The following TMIGD3 variants were observed in gnomAD, a reference collection of about 807,000 sequenced individuals.
TMIGD3 encodes AD026 protein (AD026).
A neutral mutation model predicts 28.1 loss-of-function variants in TMIGD3; 21 were observed. The ratio of observed to expected loss-of-function variants is 0.75; its 90% CI spans 0.53 to 1.08. The LOEUF (loss-of-function observed/expected upper bound fraction) is 1.08, where lower values mean the gene tolerates loss of function less well. Among genes scored for constraint, TMIGD3 ranks in the 50% least tolerant of loss-of-function variants. The probability of loss-of-function intolerance (pLI) is 0.00; values close to 1 mark genes in which losing one functional copy is unlikely to be tolerated. For synonymous variants in TMIGD3, 151 were observed against 162.1 expected, an observed-to-expected ratio of 0.93 and a Z score of 0.52; for missense variants, 416 against 435.6, an observed-to-expected ratio of 0.96 and a Z score of 0.40.
intron 1 of TMIGD3, among the ~76,000 whole-genome samples, chr1:111,540,348 T>C (rs943091094): frequency 6.6e-6 from 1 of 152,236 alleles, no homozygotes; most frequent in Non-Finnish European, 1.5e-5. Flanking sequence ...TGCTGCTTCA[T>C]CTCCTTGGCA....
intron 1 of TMIGD3, among the ~76,000 whole-genome samples, chr1:111,498,987 A>T (rs1318888155): frequency 6.6e-6 from 1 of 151,720 alleles, no homozygotes; most frequent in Non-Finnish European, 1.5e-5. Context: ...GTCACTTGGG[A>T]GGCTGAGGTG....
intron 1 of TMIGD3, among the ~76,000 whole-genome samples, chr1:111,554,155 T>C (rs1214438456): frequency 6.6e-6 from 1 of 152,228 alleles, no homozygotes; most frequent in African/African-American, 2.4e-5. Context: ...ATCTTTAAAA[T>C]AGAAATAATT....
intron 1 of TMIGD3, among the ~76,000 whole-genome samples, chr1:111,555,156 A>G (rs1657431060): frequency 6.6e-6 from 1 of 152,044 alleles, no homozygotes; most frequent in Non-Finnish European, 1.5e-5. Flanking sequence ...AGTTGAGGCC[A>G]GGAGTTCGAG....
At chr1:111,556,863 C>A (rs1320158338) in intron 1 of TMIGD3, among the ~76,000 whole-genome samples, 1 of 151,796 alleles carries the variant, frequency 6.6e-6, no homozygotes, top group East Asian at 1.9e-4. Context: ...TGTCACTGAA[C>A]TGTACACTTA....
intron 1 of TMIGD3, among the ~76,000 whole-genome samples, chr1:111,534,773 G>A (rs1313167251): frequency 6.6e-6 from 1 of 152,076 alleles, no homozygotes; most frequent in African/African-American, 2.4e-5. Context: ...GTGCATGTAT[G>A]AGAATGTGCA....
chr1:111,561,076 T>C (rs1202797369), intron 1 of TMIGD3, among the ~76,000 whole-genome samples: 2 of 152,148 alleles, frequency 1.3e-5, no homozygotes, highest in Non-Finnish European at 2.9e-5. Flanking sequence ...AAGAAAATAA[T>C]AGGACTTTCC....
intron 1 of TMIGD3, among the ~76,000 whole-genome samples, chr1:111,527,907 G>C (rs35965363): frequency 0.15 from 22,451 of 151,964 alleles, 1,854 homozygotes; most frequent in East Asian, 0.45. Context: ...ACAGTCTCCT[G>C]TATCAGATAT....
In TMIGD3 at chr1:111,488,884, C is replaced by T. The variant is rs372574258; in HGVS notation, c.598G>A (p.Ala200Thr). ...GYFRDYCNII[A>T]FSPNSTNHVA... ...TGATTGGTGCTGTTAGGGGAGAAGG[C>T]GATGATGTTGCAGTAGTCACGGAAA... is the stretch of plus-strand genomic sequence containing the variant. Residue 200 changes from alanine to threonine, a missense_variant, in exon 3 of 6, where the codon GCC (alanine) becomes ACC (threonine). Coordinates refer to ENST00000369716, the MANE Select transcript of TMIGD3 (RefSeq NM_020683.7). The T allele has an allele frequency of 2.2e-5, 36 of 1,613,986 alleles. No individual in the cohort carries two copies. Among genetic ancestry groups the T allele is most frequent in the Middle Eastern group, 1.6e-4 (1 of 6,084 alleles).
intron 1 of TMIGD3, among the ~76,000 whole-genome samples, chr1:111,542,790 G>A (rs1571451036): frequency 6.6e-6 from 1 of 151,850 alleles, no homozygotes; most frequent in Admixed American, 6.6e-5. Flanking sequence ...TCCGCCTCCC[G>A]GGTTCAAGTG....
At chr1:111,505,238 C>CT (rs1244703264), upstream of TMIGD3, among the ~76,000 whole-genome samples, 1 of 151,076 alleles carries the variant, frequency 6.6e-6, no homozygotes, top group Admixed American at 6.6e-5. Flanking sequence ...TAGGTGAGTT[C>CT]TTTTGGAATC....
intron 1 of TMIGD3, among the ~76,000 whole-genome samples, chr1:111,518,950 G>C (rs962452602): frequency 6.6e-6 from 1 of 151,918 alleles, no homozygotes; most frequent in Non-Finnish European, 1.5e-5. Flanking sequence ...TTTGTTTTTT[G>C]TTTTGTGAGA....
intron 1 of TMIGD3, among the ~76,000 whole-genome samples, chr1:111,555,446 G>C (rs1278956966): frequency 7.0e-6 from 1 of 143,590 alleles, no homozygotes; most frequent in Non-Finnish European, 1.5e-5. Flanking sequence ...AATTTTTAAT[G>C]TAATAATTAA....
chr1:111,516,196 A>G (rs576801036), intron 1 of TMIGD3, among the ~76,000 whole-genome samples: 89 of 152,354 alleles, frequency 5.8e-4, no homozygotes, highest in East Asian at 1.2e-3. Flanking sequence ...AGTTGGCCTA[A>G]GCAGGAAGCT....
chr1:111,520,220 G>A (rs748829452), intron 1 of TMIGD3, among the ~76,000 whole-genome samples: 4 of 152,198 alleles, frequency 2.6e-5, no homozygotes, highest in South Asian at 2.1e-4. Context: ...TGGAGGAAAC[G>A]ATAGTTAATA....
At chr1:111,507,354 C>T (rs918716564), upstream of TMIGD3, among the ~76,000 whole-genome samples, 4 of 152,126 alleles carry the variant, frequency 2.6e-5, no homozygotes, top group African/African-American at 9.7e-5. Context: ...TGGCTTAAAT[C>T]ACAGGAAGAG....
intron 1 of TMIGD3, among the ~76,000 whole-genome samples, chr1:111,546,172 A>G (rs1657028085): frequency 6.6e-6 from 1 of 152,132 alleles, no homozygotes; most frequent in South Asian, 2.1e-4. Context: ...GGCAGTTTGA[A>G]TTTTTATAAG....
At chr1:111,555,362 T>TAAAAAAAAAAAAAAAAAAAAAAA (rs397981230) in intron 1 of TMIGD3, among the ~76,000 whole-genome samples, 2 of 47,640 alleles carry the variant, frequency 4.2e-5, no homozygotes, top group African/African-American at 2.4e-4. Context: ...TGAGACTCTG[T>TAAAAAAAAAAAAAAAAAAAAAAA]AAAAAAAAAA....
At chr1:111,497,588 G>C (rs1654952147) in intron 1 of TMIGD3, among the ~76,000 whole-genome samples, 1 of 151,878 alleles carries the variant, frequency 6.6e-6, no homozygotes, top group African/African-American at 2.4e-5. Flanking sequence ...GTTAGACAAA[G>C]ATAAAAAACA....
chr1:111,551,412 C>T (rs1391273396), intron 1 of TMIGD3, among the ~76,000 whole-genome samples: 11 of 152,034 alleles, frequency 7.2e-5, no homozygotes, highest in Admixed American at 6.6e-4. Flanking sequence ...TACTTTTGAG[C>T]TATTTTCTTG....
Sources: gnomAD v4.1 joint callset for allele counts (sites outside exome capture counted in the v4.1 genomes callset) on GRCh38, gnomAD v4.1.1 for gene constraint, MANE v1.5 for transcripts, NCBI Gene and HGNC (gene_info 2026-07-23, HGNC 2026-07-21) for gene names.